CCDC73: variants seen among roughly 807,000 people sequenced by gnomAD.
The protein encoded by CCDC73 is coiled-coil domain containing 73, also known as coiled-coil domain-containing protein 73.
A neutral mutation model predicts 116.5 loss-of-function variants in CCDC73; 95 were observed. The observed-to-expected ratio is 0.82, with a 90% CI of 0.69 to 0.97. CCDC73 has a LOEUF of 0.97. Among genes scored for constraint, CCDC73 ranks in the 50% least tolerant of loss-of-function variants. The pLI is 0.00. For missense variants in CCDC73, 1,066 were observed against 1,206.8 expected, an observed-to-expected ratio of 0.88 and a Z score of 1.73; for synonymous variants, 398 against 401.3, an observed-to-expected ratio of 0.99 and a Z score of 0.10.
At chr11:32,713,604 T>C (rs529067854) in intron 3 of CCDC73, among the ~76,000 whole-genome samples, 125 of 152,180 alleles carry the variant, frequency 8.2e-4, no homozygotes, top group African/African-American at 2.9e-3. Flanking sequence ...TTGGAATGCC[T>C]ACAACTGGCT....
At position 32,637,795 on chromosome 11, in the gene CCDC73, C is replaced by T. The variant is rs114565757; in HGVS notation, c.1051-1965G>A. Among the ~76,000 whole-genome samples, 1,083 of 152,210 alleles carry T rather than the reference C, an allele frequency of 7.1e-3. 15 individuals are homozygous for T. Among genetic ancestry groups the T allele is most frequent in the African/African-American group, 0.025 (1,044 of 41,536 alleles). Reference sequence around the variant, plus strand: ...GTTCCACTCTTTCCACATTATTTCACCTATAACTTCAAATTTCACCTTTAT... The same window carrying T: ...GTTCCACTCTTTCCACATTATTTCATCTATAACTTCAAATTTCACCTTTAT... On this transcript the variant is annotated intron_variant, in intron 13 of 17. Coordinates refer to ENST00000335185, the MANE Select transcript of CCDC73 (RefSeq NM_001008391.4).
At chr11:32,809,981 GTTAC>G in the CCDC73 span, among the ~76,000 whole-genome samples, 2 of 152,142 alleles carry the variant, frequency 1.3e-5, no homozygotes, top group African/African-American at 4.8e-5. Context: ...AATAATAAAT[GTTAC>G]TTACTCAAAG....
intron 9 of CCDC73, among the ~76,000 whole-genome samples, chr11:32,663,162 G>T (rs760284039): frequency 1.7e-3 from 261 of 152,272 alleles, no homozygotes; most frequent in Non-Finnish European, 2.4e-3. Flanking sequence ...GATTGTCTTG[G>T]CAATGCGTGT....
chr11:32,769,173 C>G (rs923697305), intron 1 of CCDC73, among the ~76,000 whole-genome samples: 1 of 152,282 alleles, frequency 6.6e-6, no homozygotes, highest in Non-Finnish European at 1.5e-5. Flanking sequence ...GATATACACC[C>G]TTTATCTGTG....
chr11:32,788,058 C>A (rs1470407737), intron 1 of CCDC73, among the ~76,000 whole-genome samples: 1 of 152,212 alleles, frequency 6.6e-6, no homozygotes, highest in African/African-American at 2.4e-5. Context: ...ATCCGTTATA[C>A]TGCAAATTCC....
In CCDC73 at chr11:32,654,915, T is replaced by C. The variant is rs1341222390; in HGVS notation, c.703A>G (p.Met235Val). 6.2e-7 allele frequency: 1 copy of C among 1,605,180 alleles called. No homozygotes were observed. ...IKSKVTCQYK[M>V]GEENINLTIK... Reference sequence around the variant, plus strand: ...GTTAGATTGATGTTTTCTTCTCCCATCTTATATTGACATGTGACTTTGGAC... The same window carrying C: ...GTTAGATTGATGTTTTCTTCTCCCACCTTATATTGACATGTGACTTTGGAC... The change falls in exon 10 of 18, where the codon ATG (methionine) becomes GTG (valine). Residue 235 changes from methionine (M) to valine (V), a missense_variant. Physicochemically the swap from Met to Val is conservative, Grantham distance 21. Transcript: ENST00000335185.
chr11:32,768,992 T>C (rs1203649387), intron 1 of CCDC73, among the ~76,000 whole-genome samples: 1 of 152,172 alleles, frequency 6.6e-6, no homozygotes, highest in Non-Finnish European at 1.5e-5. Flanking sequence ...TAATCAAGGA[T>C]ATGCAAATTA....
At chr11:32,777,100 T>C (rs537898958) in intron 1 of CCDC73, among the ~76,000 whole-genome samples, 1,007 of 99,088 alleles carry the variant, frequency 0.01, 10 homozygotes, top group Non-Finnish European at 0.017. Context: ...TTTTTCTTTC[T>C]TTTTTTTTTT....
intron 2 of CCDC73, among the ~76,000 whole-genome samples, chr11:32,756,446 T>G (rs1320312120): frequency 7.0e-6 from 1 of 142,066 alleles, no homozygotes; most frequent in Non-Finnish European, 1.5e-5. Context: ...CATATATATC[T>G]ATATATATCT....
At chr11:32,613,310 T>A (rs947246069) in intron 16 of CCDC73, 112 bp downstream of exon 16, 1 of 904,382 alleles carries the variant, frequency 1.1e-6, no homozygotes, top group Non-Finnish European at 1.6e-6. Flanking sequence ...TTGTTCCTAA[T>A]TTAAAATAAG....
chr11:32,613,838 AAG>A lies in CCDC73; in HGVS notation c.2478_2479del (p.Phe827ProfsTer6). ...TCTTTCATTAATGCTCACAAAAAGG[AAG>A]AGGTCATTTTTTGTGGCTTCAGTTA... On this transcript the variant is annotated frameshift_variant, in exon 16 of 18. Transcript: ENST00000335185. LOFTEE classifies it high-confidence loss of function. The A allele has an allele frequency of 1.9e-6, 3 of 1,613,682 alleles. No homozygotes were observed. The highest frequency in any genetic ancestry group is 2.5e-6 in the Non-Finnish European group (3 of 1,179,938).
chr11:32,667,625 C>T (rs1053416999), intron 9 of CCDC73, among the ~76,000 whole-genome samples: 1 of 152,172 alleles, frequency 6.6e-6, no homozygotes, highest in African/African-American at 2.4e-5. Context: ...GAGGCGATGC[C>T]TCGCCCTGCT....
At chr11:32,808,738 G>A in the CCDC73 span, among the ~76,000 whole-genome samples, 2 of 151,844 alleles carry the variant, frequency 1.3e-5, no homozygotes, top group Non-Finnish European at 2.9e-5. Flanking sequence ...TTCTACCTTC[G>A]TAAGTTTATC....
intron 1 of CCDC73, among the ~76,000 whole-genome samples, chr11:32,765,056 A>C (rs1485041683): frequency 6.6e-6 from 1 of 152,224 alleles, no homozygotes; most frequent in Admixed American, 6.5e-5. Flanking sequence ...TTCAACAAGA[A>C]GAGCTAACTA....
At chr11:32,618,752 A>C (rs896657843) in intron 14 of CCDC73, among the ~76,000 whole-genome samples, 1 of 152,040 alleles carries the variant, frequency 6.6e-6, no homozygotes, top group African/African-American at 2.4e-5. Context: ...GGGTTTTGCT[A>C]TGTTGGCCAG....
intron 1 of CCDC73, among the ~76,000 whole-genome samples, chr11:32,792,349 C>T (rs1486597779): frequency 2.0e-5 from 3 of 152,060 alleles, no homozygotes; most frequent in Non-Finnish European, 2.9e-5. Flanking sequence ...TAAGTATTGA[C>T]TCATGTGTAA....
At chr11:32,736,625 T>G (rs919767884) in intron 2 of CCDC73, among the ~76,000 whole-genome samples, 1 of 151,884 alleles carries the variant, frequency 6.6e-6, no homozygotes, top group African/African-American at 2.4e-5. Flanking sequence ...GATCTAGAAC[T>G]AGAAATACCA....
At chr11:32,631,619 A>C (rs898677698) in intron 14 of CCDC73, among the ~76,000 whole-genome samples, 11 of 151,542 alleles carry the variant, frequency 7.3e-5, no homozygotes, top group African/African-American at 1.7e-4. Flanking sequence ...AGGGAAGGGA[A>C]GGGAAGGGAC....
At chr11:32,648,012 A>G (rs1022390329) in intron 12 of CCDC73, among the ~76,000 whole-genome samples, 2 of 152,034 alleles carry the variant, frequency 1.3e-5, no homozygotes, top group African/African-American at 4.8e-5. Context: ...CTTCCCCCCA[A>G]ACCTCAGCTG....
Sources: gnomAD v4.1 joint callset for allele counts (sites outside exome capture counted in the v4.1 genomes callset) on GRCh38, gnomAD v4.1.1 for gene constraint, MANE v1.5 for transcripts, NCBI Gene and HGNC (gene_info 2026-07-23, HGNC 2026-07-21) for gene names.